Variants in ERC1 observed in about 807,000 individuals in gnomAD.
ERC1 encodes the protein RAB6 interacting protein 2.
ERC1 carries 56 observed loss-of-function variants against 132.0 expected under a neutral mutation model. That is an observed-to-expected ratio of 0.42 (90% CI 0.34 to 0.53). ERC1 has a LOEUF of 0.53. Ranked by LOEUF, ERC1 falls within the 20% of genes least tolerant of loss-of-function variation. The pLI is 0.03. For missense variants in ERC1, 1,202 were observed against 1,349.9 expected, an observed-to-expected ratio of 0.89 and a Z score of 1.72; for synonymous variants, 478 against 476.1, an observed-to-expected ratio of 1.00 and a Z score of -0.05.
intron 16 of ERC1, among the ~76,000 whole-genome samples, chr12:1,394,590 C>T (rs2090374148): frequency 1.3e-5 from 2 of 152,078 alleles, no homozygotes; most frequent in Non-Finnish European, 2.9e-5. Context: ...GCATTCCTCC[C>T]TGTTGTTCTC....
intron 2 of ERC1, among the ~76,000 whole-genome samples, chr12:1,070,347 C>CTGGAGTATAG (rs1940112645): frequency 6.6e-6 from 1 of 151,480 alleles, no homozygotes; most frequent in African/African-American, 2.4e-5. Context: ...GCCGCCCAGG[C>CTGGAGTATAG]TGGAGTATAG....
intron 8 of ERC1, among the ~76,000 whole-genome samples, chr12:1,156,625 TTTAA>T (rs1245187413): frequency 6.6e-6 from 1 of 152,236 alleles, no homozygotes; most frequent in East Asian, 1.9e-4. Context: ...TCGATAGCTG[TTTAA>T]TTATCCACCA....
In ERC1 at chr12:1,104,673, A is replaced by G. The variant is rs528538952; in HGVS notation, c.1087-77A>G. ...AAGGCTGTAGTGATCTTTTGCATAC[A>G]TCGGCTCTCACTCCTCTTTGAAAAA... is the stretch of plus-strand genomic sequence containing the variant. On this transcript the variant is annotated intron_variant, in intron 3 of 18. Transcript: ENST00000360905. 40 of 980,078 alleles carry G rather than the reference A, an allele frequency of 4.1e-5. No individual in the cohort carries two copies. The South Asian group carries it at 4.5e-4, about 11-fold the overall frequency. The allele number at this position is 980,078 out of a possible 1,614,324, so 60.7% of individuals were successfully genotyped here. A position where few individuals can be genotyped will look rare whatever the true frequency, so the allele number is the denominator to read the frequency against.
chr12:1,165,631 C>A (rs540100536), intron 8 of ERC1, among the ~76,000 whole-genome samples: 3 of 152,038 alleles, frequency 2.0e-5, no homozygotes, highest in Non-Finnish European at 4.4e-5. Context: ...CCGCGCCTGG[C>A]GAGAATTTTT....
rs1305692504 is a variant in ERC1, at chr12:1,494,519, A to AGCAAAAACC, written c.*4291_*4299dup. 2.2e-5 allele frequency: 5 copies of AGCAAAAACC among 231,758 alleles called. 1 individual carries two copies. The highest frequency in any genetic ancestry group is 1.1e-4 in the African/African-American group (5 of 45,250). The allele number at this position is 231,758 out of a possible 1,614,324, so 14.4% of individuals were successfully genotyped here. On this transcript the variant is annotated 3_prime_UTR_variant, in exon 19 of 19. Transcript: ENST00000360905. Reference sequence around the variant, plus strand: ...AAATGGCTATCTTCACCTACTCTTCAGCAAAAACCGTCTCCAGACTTTTTA... The same window carrying AGCAAAAACC: ...AAATGGCTATCTTCACCTACTCTTCAGCAAAAACCGCAAAAACCGTCTCCAGACTTTTTA...
At chr12:1,406,302 A>T (rs1009941568) in intron 16 of ERC1, among the ~76,000 whole-genome samples, 1 of 149,504 alleles carries the variant, frequency 6.7e-6, no homozygotes, top group African/African-American at 2.6e-5. Context: ...GACATATTAC[A>T]TATCTCTGTA....
chr12:1,179,880 C>T (rs1259285228), intron 8 of ERC1, among the ~76,000 whole-genome samples: 1 of 152,056 alleles, frequency 6.6e-6, no homozygotes, highest in East Asian at 1.9e-4. Context: ...TAAATGAATG[C>T]ATGTAAGTGT....
At chr12:1,203,258 G>A (rs772260753) in intron 12 of ERC1, among the ~76,000 whole-genome samples, 3 of 152,074 alleles carry the variant, frequency 2.0e-5, no homozygotes, top group African/African-American at 4.8e-5. Flanking sequence ...GGGTTTCACC[G>A]TGTTGGCTAG....
At chr12:1,365,845 T>G (rs550720920) in intron 15 of ERC1, among the ~76,000 whole-genome samples, 1 of 152,292 alleles carries the variant, frequency 6.6e-6, no homozygotes, top group African/African-American at 2.4e-5. Flanking sequence ...GATAAATGGA[T>G]AAACAAAATG....
At chr12:1,292,115 G>T (rs1190954189) in intron 15 of ERC1, among the ~76,000 whole-genome samples, 1 of 152,136 alleles carries the variant, frequency 6.6e-6, no homozygotes, top group Non-Finnish European at 1.5e-5. Context: ...TAGTTCATTC[G>T]ACACTGCCCT....
chr12:1,241,044 G>A (rs963085972), intron 13 of ERC1, among the ~76,000 whole-genome samples: 1 of 152,034 alleles, frequency 6.6e-6, no homozygotes. Flanking sequence ...ACCCAATTTG[G>A]TGATTTCCTT....
intron 15 of ERC1, among the ~76,000 whole-genome samples, chr12:1,320,751 G>C (rs879608523): frequency 3.9e-5 from 6 of 152,146 alleles, no homozygotes; most frequent in Non-Finnish European, 8.8e-5. Context: ...GCCCAGGCTG[G>C]AGTGCAGTGG....
chr12:1,137,095 C>CTTTTTTTTTTTTTTTTTTTTTTTT (rs1949321751), intron 7 of ERC1, among the ~76,000 whole-genome samples: 1 of 134,746 alleles, frequency 7.4e-6, no homozygotes, highest in African/African-American at 2.8e-5. Flanking sequence ...TTCTTTTTTT[C>CTTTTTTTTTTTTTTTTTTTTTTTT]TTTTCTTTTT....
intron 16 of ERC1, among the ~76,000 whole-genome samples, chr12:1,402,922 T>C (rs766396540): frequency 2.0e-5 from 3 of 152,364 alleles, no homozygotes; most frequent in Middle Eastern, 3.4e-3. Context: ...TCAGATTTTT[T>C]TTATCAATAC....
chr12:1,144,037 G>C (rs1474716209), intron 8 of ERC1, among the ~76,000 whole-genome samples: 1 of 151,828 alleles, frequency 6.6e-6, no homozygotes, highest in East Asian at 1.9e-4. Context: ...TTATCTTCCT[G>C]TGTTCAGTTT....
intron 8 of ERC1, among the ~76,000 whole-genome samples, chr12:1,149,707 T>C (rs1458128271): frequency 6.6e-6 from 1 of 152,186 alleles, no homozygotes; most frequent in Admixed American, 6.5e-5. Flanking sequence ...CATCTTTTTT[T>C]CATTTTTTGT....
At chr12:1,219,782 C>T (rs908144114) in intron 12 of ERC1, among the ~76,000 whole-genome samples, 1 of 152,012 alleles carries the variant, frequency 6.6e-6, no homozygotes, top group African/African-American at 2.4e-5. Flanking sequence ...ACTACAGGTG[C>T]ACACCAACCA....
Position 1,462,255 on chromosome 12 carries a change from G to T in ERC1, c.3213+17505G>T, listed in dbSNP as rs1056994691. Among the ~76,000 whole-genome samples, 30 of 152,144 alleles carry T rather than the reference G, an allele frequency of 2.0e-4. 1 individual carries two copies. Among genetic ancestry groups the T allele is most frequent in the African/African-American group, 7.2e-4 (30 of 41,436 alleles). On this transcript the variant is annotated intron_variant, in intron 18 of 18. Transcript: ENST00000360905. ...ATACACTGTGATGAGAGGGTAAAAT[G>T]GCATAATATTTTAGAAAACTGAGAA... is the stretch of plus-strand genomic sequence containing the variant.
chr12:1,215,110 C>A (rs1179633346), intron 12 of ERC1, among the ~76,000 whole-genome samples: 1 of 152,154 alleles, frequency 6.6e-6, no homozygotes, highest in Non-Finnish European at 1.5e-5. Context: ...TCTGGATCAC[C>A]TGGGTGACTG....
Sources: gnomAD v4.1 joint callset for allele counts (sites outside exome capture counted in the v4.1 genomes callset) on GRCh38, gnomAD v4.1.1 for gene constraint, MANE v1.5 for transcripts, NCBI Gene and HGNC (gene_info 2026-07-23, HGNC 2026-07-21) for gene names.